The following USO1 variants were observed in gnomAD, a reference collection of about 807,000 sequenced individuals.
USO1 encodes the protein general vesicular transport factor p115.
In USO1, 57 loss-of-function variants were observed where a neutral mutation model predicts 124.5. That is an observed-to-expected ratio of 0.46 (90% CI 0.37 to 0.57). The LOEUF (loss-of-function observed/expected upper bound fraction) is 0.57, where lower values mean the gene tolerates loss of function less well. USO1 is among the 20% of genes least tolerant of loss of function. USO1 has a pLI of 0.00. For synonymous variants in USO1, 369 were observed against 362.8 expected, an observed-to-expected ratio of 1.02 and a Z score of -0.19; for missense variants, 900 against 1,040.6, an observed-to-expected ratio of 0.86 and a Z score of 1.86.
rs1721483058 is a variant in USO1 at position 75,757,561 on chromosome 4, G to T, written c.283G>T (p.Glu95Ter). Reference protein sequence around the residue: ...TLYNIISNEEEEEVEENSTRQ... With the variant: ...TLYNIISNEE ...ATATAATATAATATCTAATGAAGAA[G>T]AAGAAGAAGTAGGTAAGTTTCCAGT... Residue 95 changes from glutamate to a stop codon, truncating the protein, a stop_gained, in exon 4 of 24, where the codon GAA (glutamate) becomes TAA (stop). Transcript: ENST00000514213. LOFTEE classifies it high-confidence loss of function. The T allele has an allele frequency of 1.3e-6, 2 of 1,490,214 alleles. No homozygotes were observed. Among genetic ancestry groups the T allele is most frequent in the Non-Finnish European group, 8.9e-7 (1 of 1,119,002 alleles). The allele number at this position is 1,490,214 out of a possible 1,614,324, so 92.3% of individuals were successfully genotyped here. A position where few individuals can be genotyped will look rare whatever the true frequency, so the allele number is the denominator to read the frequency against.
intron 8 of USO1, among the ~76,000 whole-genome samples, chr4:75,776,630 G>A (rs572908704): frequency 3.9e-5 from 6 of 152,286 alleles, no homozygotes; most frequent in African/African-American, 1.2e-4. Context: ...GGTGCATGCT[G>A]GAAAGAAGGC....
At chr4:75,725,062 C>G (rs989050390) in intron 1 of USO1, 177 bp downstream of exon 1, 1 of 689,874 alleles carries the variant, frequency 1.4e-6, no homozygotes, top group African/African-American at 1.8e-5. Flanking sequence ...ATCACGCCCC[C>G]AGCTCAGTCC....
intron 7 of USO1, among the ~76,000 whole-genome samples, chr4:75,772,545 C>T (rs1237295660): frequency 6.6e-6 from 1 of 152,020 alleles, no homozygotes. Flanking sequence ...CCGAGAAGTA[C>T]ATTTTTTATT....
chr4:75,787,940 C>G (rs1259983150), intron 10 of USO1, among the ~76,000 whole-genome samples: 1 of 151,888 alleles, frequency 6.6e-6, no homozygotes, highest in Non-Finnish European at 1.5e-5. Flanking sequence ...TACTGTTACT[C>G]TATATATGCA....
At chr4:75,813,181 T>C (rs1577979775) in intron 23 of USO1, 25 bp from the exon 24 acceptor site, 1 of 1,589,874 alleles carries the variant, frequency 6.3e-7, no homozygotes, top group African/African-American at 1.4e-5. Flanking sequence ...ATTTTCACAA[T>C]ATTAAATACG....
At chr4:75,800,203 C>A in intron 14 of USO1, 148 bp from the exon 15 acceptor site, 1 of 941,818 alleles carries the variant, frequency 1.1e-6, no homozygotes, top group Non-Finnish European at 1.5e-6. Flanking sequence ...TCCCAAAGTG[C>A]TGAGATTACA....
intron 7 of USO1, among the ~76,000 whole-genome samples, chr4:75,773,315 CT>C (rs532102525): frequency 1.5e-4 from 22 of 151,308 alleles, no homozygotes; most frequent in Non-Finnish European, 2.2e-4. Flanking sequence ...GTTTTATAAC[CT>C]TTTTTTTATT....
chr4:75,804,004 G>A, intron 17 of USO1, 130 bp from the exon 18 acceptor site: 1 of 1,200,330 alleles, frequency 8.3e-7, no homozygotes, highest in South Asian at 2.2e-5. Flanking sequence ...CTTAATTACT[G>A]AACGATTTTG....
chr4:75,769,892 A>G (rs1721872603), intron 4 of USO1, among the ~76,000 whole-genome samples: 1 of 152,166 alleles, frequency 6.6e-6, no homozygotes, highest in Non-Finnish European at 1.5e-5. Flanking sequence ...TTTGTAGGAT[A>G]TGTATATGAA....
intron 3 of USO1, among the ~76,000 whole-genome samples, chr4:75,753,857 C>A (rs1721355856): frequency 6.8e-6 from 1 of 146,686 alleles, no homozygotes; most frequent in Non-Finnish European, 1.5e-5. Flanking sequence ...GATCTCAGCT[C>A]ACTGCAAGCT....
chr4:75,752,880 G>A (rs956964484), intron 3 of USO1, among the ~76,000 whole-genome samples: 63 of 152,110 alleles, frequency 4.1e-4, no homozygotes, highest in African/African-American at 1.4e-3. Context: ...ATGTCATTTC[G>A]ATAAAGATTT....
intron 1 of USO1, among the ~76,000 whole-genome samples, chr4:75,750,493 A>G (rs1721271431): frequency 6.6e-6 from 1 of 151,540 alleles, no homozygotes; most frequent in Non-Finnish European, 1.5e-5. Flanking sequence ...ATTTTTATTT[A>G]TTTATTTTTG....
In USO1 at chr4:75,800,308, A is replaced by T. The variant is rs1236690231; in HGVS notation, c.1564-43A>T. ...ATGTCAAATTCAAATTGCAAAATGTACTAGATATTTTCAATCCTTAGCCTC... is the reference window on the plus strand; with the variant it reads ...ATGTCAAATTCAAATTGCAAAATGTTCTAGATATTTTCAATCCTTAGCCTC... On this transcript the variant is annotated intron_variant, in intron 14 of 23. Coordinates refer to ENST00000514213, the MANE Select transcript of USO1 (RefSeq NM_003715.4). 3 of 1,533,988 alleles carry T rather than the reference A, an allele frequency of 2.0e-6. No individual in the cohort carries two copies. The East Asian group carries it at 7.3e-5, about 37-fold the overall frequency.
chr4:75,793,188 T>TTTCTTTTC (rs1407555256), intron 12 of USO1, among the ~76,000 whole-genome samples: 3 of 149,754 alleles, frequency 2.0e-5, no homozygotes, highest in Non-Finnish European at 4.4e-5. Flanking sequence ...TCAACCTATG[T>TTTCTTTTC]TTCTTTTCTC....
intron 8 of USO1, among the ~76,000 whole-genome samples, chr4:75,780,640 C>CTTTTTTTT (rs71210204): frequency 2.4e-4 from 14 of 59,138 alleles, no homozygotes; most frequent in South Asian, 8.8e-4. Context: ...TAAATTTTGA[C>CTTTTTTTT]TTTTTTTTTT....
chr4:75,769,594 G>T (rs148525794), intron 4 of USO1, among the ~76,000 whole-genome samples: 2 of 152,136 alleles, frequency 1.3e-5, no homozygotes, highest in South Asian at 4.1e-4. Flanking sequence ...GTATTCTGAC[G>T]CTCAGCCAAT....
intron 3 of USO1, among the ~76,000 whole-genome samples, chr4:75,753,742 A>T (rs1436870855): frequency 6.6e-6 from 1 of 151,786 alleles, no homozygotes; most frequent in African/African-American, 2.4e-5. Context: ...AAATTTAAAG[A>T]AAAAGAAGCA....
intron 7 of USO1, among the ~76,000 whole-genome samples, chr4:75,773,317 T>C (rs1721985061): frequency 6.6e-6 from 1 of 151,506 alleles, no homozygotes. Flanking sequence ...TTTATAACCT[T>C]TTTTTTATTT....
Position 75,809,764 on chromosome 4 carries a change from C to T in USO1, c.2476-668C>T, listed in dbSNP as rs559992762. ...TGACCATGAAGCTTCTTTCCAACTC[C>T]GCTCTTTTCTTTCTGAGCTCTCACC... On this transcript the variant is annotated intron_variant, in intron 21 of 23. Transcript: ENST00000514213. 3.9e-5 allele frequency among the ~76,000 whole-genome samples: 6 copies of T among 152,272 alleles called. No individual in the cohort carries two copies. In the South Asian group the frequency reaches 8.3e-4, roughly 21 times the overall value.
Sources: allele counts gnomAD v4.1 joint callset (sites outside exome capture counted in the v4.1 genomes callset), GRCh38; gene constraint gnomAD v4.1.1; transcripts MANE v1.5; gene names NCBI Gene and HGNC (gene_info 2026-07-23, HGNC 2026-07-21).